Variants in VPS13A observed in about 807,000 individuals in gnomAD.
The protein encoded by VPS13A is vacuolar protein sorting 13 homolog A.
A neutral mutation model predicts 390.9 loss-of-function variants in VPS13A; 264 were observed. That is an observed-to-expected ratio of 0.68 (90% CI 0.61 to 0.75). VPS13A has a LOEUF of 0.75. Among genes scored for constraint, VPS13A ranks in the 30% least tolerant of loss-of-function variants. The pLI is 0.00. For missense variants in VPS13A, 3,409 were observed against 3,733.9 expected, an observed-to-expected ratio of 0.91 and a Z score of 2.27; for synonymous variants, 1,231 against 1,227.1, an observed-to-expected ratio of 1.00 and a Z score of -0.07.
At chr9:77,272,498 A>G (rs1826409095) in intron 23 of VPS13A, among the ~76,000 whole-genome samples, 1 of 152,210 alleles carries the variant, frequency 6.6e-6, no homozygotes, top group Non-Finnish European at 1.5e-5. Flanking sequence ...CATCAGTGCA[A>G]TACAATATCA....
intron 68 of VPS13A, chr9:77,383,105 G>A: frequency 2.3e-6 from 2 of 855,486 alleles, no homozygotes; most frequent in Non-Finnish European, 2.8e-6. Flanking sequence ...TTTAAATATT[G>A]TGATATTTAA....
chr9:77,360,661 C>T lies in VPS13A; in HGVS notation c.8211+20C>T. On this transcript the variant is annotated intron_variant, in intron 59 of 71. Coordinates refer to ENST00000360280, the MANE Select transcript of VPS13A (RefSeq NM_033305.3). The stretch of plus-strand genomic sequence containing the variant: ...ACAGAGGTAAGACTTAAAATAATAA[C>T]ATTTGATGGAAAGGATTAGGGAAAA... 1 of 1,517,548 alleles carries T rather than the reference C, an allele frequency of 6.6e-7. No homozygotes were observed. Among genetic ancestry groups the T allele is most frequent in the Non-Finnish European group, 9.1e-7 (1 of 1,093,034 alleles). The allele number at this position is 1,517,548 out of a possible 1,614,324, so 94.0% of individuals were successfully genotyped here.
chr9:77,337,224 AT>A lies in VPS13A; in HGVS notation c.6096-27del, dbSNP rs1326556340. ...AGTTTAATATGTTTTCCTTTAAAACATTTTAAACTGTATCATTTAATCTCAT... is the reference window on the plus strand; with the variant it reads ...AGTTTAATATGTTTTCCTTTAAAACATTTAAACTGTATCATTTAATCTCAT... On this transcript the variant is annotated intron_variant, in intron 46 of 71. Transcript: ENST00000360280. 7 of 1,594,576 alleles carry A rather than the reference AT, an allele frequency of 4.4e-6. No individual in the cohort carries two copies. In the African/African-American group the frequency reaches 8.1e-5, roughly 18 times the overall value.
intron 45 of VPS13A, among the ~76,000 whole-genome samples, chr9:77,325,307 C>T (rs1454758568): frequency 6.6e-6 from 1 of 152,044 alleles, no homozygotes; most frequent in Non-Finnish European, 1.5e-5. Context: ...TAACAGGCCA[C>T]AGACCGGTAC....
chr9:77,292,544 A>T (rs997818659), intron 31 of VPS13A, among the ~76,000 whole-genome samples: 1 of 151,952 alleles, frequency 6.6e-6, no homozygotes, highest in African/African-American at 2.4e-5. Context: ...AGGACTGTAG[A>T]CTTCTTTTCA....
At chr9:77,209,562 T>G in intron 6 of VPS13A, 30 bp downstream of exon 6, 1 of 1,341,330 alleles carries the variant, frequency 7.5e-7, no homozygotes, top group Non-Finnish European at 1.1e-6. Context: ...ATATTTGTTT[T>G]TATATTTATA....
In VPS13A at chr9:77,291,092, G is replaced by A. The variant is rs187602954; in HGVS notation, c.3340-2249G>A. On this transcript the variant is annotated intron_variant, in intron 31 of 71. Transcript: ENST00000360280. ...TCTGTGACCTGTTAGGAACTGGGCC[G>A]GACAGCAGGAGTTGAGTGGTGGGCG... 1.6e-3 allele frequency among the ~76,000 whole-genome samples: 236 copies of A among 152,236 alleles called. 1 individual carries two copies. Among genetic ancestry groups the A allele is most frequent in the African/African-American group, 5.4e-3 (224 of 41,546 alleles).
At chr9:77,293,314 G>T (rs772930062) in intron 31 of VPS13A, 27 bp from the exon 32 acceptor site, 1 of 1,571,322 alleles carries the variant, frequency 6.4e-7, no homozygotes, top group East Asian at 2.3e-5. Flanking sequence ...AAAATGGATT[G>T]TGATAATTAA....
rs1351436755 is a variant in VPS13A, at chr9:77,340,250, G to A, written c.6847G>A (p.Val2283Ile). Residue 2283 changes from valine (V) to isoleucine (I), a missense_variant, in exon 49 of 72, where the codon GTT becomes ATT. This residue lies in a region of VPS13A where 2,717 missense variants were observed against 2,917.4 expected (regional missense o/e 0.93). Transcript: ENST00000360280. ...TGATACTGTTGGTAGTCATGGAGCT[G>A]TTAAATGTAAAGGCCTGAAAATGGA... ...SIDTVGSHGAVKCKGLKMDYQ... is the reference protein window; with the variant it reads ...SIDTVGSHGAIKCKGLKMDYQ... The A allele has an allele frequency of 2.5e-6, 4 of 1,613,152 alleles. No homozygotes were observed. The African/African-American group carries it at 4.0e-5, about 16-fold the overall frequency.
rs1232607771 is a variant in VPS13A at position 77,295,692 on chromosome 9, A to C, written c.3658A>C (p.Ile1220Leu). The change falls in exon 33 of 72, where the codon ATC (isoleucine) becomes CTC (leucine). Residue 1220 changes from isoleucine (I) to leucine (L), a missense_variant. This residue lies in a region of VPS13A where 2,717 missense variants were observed against 2,917.4 expected (regional missense o/e 0.93). Transcript: ENST00000360280. Reference sequence around the variant, plus strand: ...TAACATCAAAGCCCCAGTTGTGGTCATCCCGCAGTCTCCAGTTTCTGAAAA... The same window carrying C: ...TAACATCAAAGCCCCAGTTGTGGTCCTCCCGCAGTCTCCAGTTTCTGAAAA... Reference protein sequence around the residue: ...DINIKAPVVVIPQSPVSENVF... With the variant: ...DINIKAPVVVLPQSPVSENVF... The C allele has an allele frequency of 6.2e-7, 1 of 1,614,088 alleles. No individual in the cohort carries two copies. The highest frequency in any genetic ancestry group is 1.3e-5 in the African/African-American group (1 of 75,058).
intron 50 of VPS13A, among the ~76,000 whole-genome samples, chr9:77,343,490 G>C (rs1245457211): frequency 6.6e-6 from 1 of 152,128 alleles, no homozygotes; most frequent in Non-Finnish European, 1.5e-5. Context: ...TGACTTAATA[G>C]CTTACAGACA....
chr9:77,405,872 TGTTTGTAACAAAGGGAACA>T lies in VPS13A; in HGVS notation c.9285_9303del (p.Leu3095PhefsTer36). The T allele has an allele frequency of 6.2e-7, 1 of 1,613,692 alleles. No individual in the cohort carries two copies. The highest frequency in any genetic ancestry group is 8.5e-7 in the Non-Finnish European group (1 of 1,179,962). Reference sequence around the variant, plus strand: ...TGTTTTTCTTTTTGCAGTGGTGTATTGTTTGTAACAAAGGGAACATTTGGACAACTCACGTGTGAGTGGC... The same window carrying T: ...TGTTTTTCTTTTTGCAGTGGTGTATTTTTGGACAACTCACGTGTGAGTGGC... On this transcript the variant is annotated frameshift_variant, in exon 70 of 72. Transcript: ENST00000360280. LOFTEE classifies it high-confidence loss of function.
intron 68 of VPS13A, chr9:77,390,125 C>G: frequency 1.0e-6 from 1 of 985,304 alleles, no homozygotes; most frequent in South Asian, 4.7e-5. Context: ...CACTTCCTGG[C>G]TTCATCTGAA....
In VPS13A at chr9:77,260,501, G is replaced by A. The variant is rs145101460; in HGVS notation, c.2427+277G>A. Among the ~76,000 whole-genome samples, 874 of 151,670 alleles carry A rather than the reference G, an allele frequency of 5.8e-3. 12 individuals carry two copies. Among genetic ancestry groups the A allele is most frequent in the African/African-American group, 0.02 (843 of 41,374 alleles). On this transcript the variant is annotated intron_variant, in intron 23 of 71. Coordinates refer to ENST00000360280, the MANE Select transcript of VPS13A (RefSeq NM_033305.3). ...CTCCCGAGTATCTGGGACTACAGGC[G>A]CCCGCCACCACGCCCGGCTAATTTT...
chr9:77,246,799 A>G (rs1587411241), intron 19 of VPS13A, among the ~76,000 whole-genome samples: 1 of 152,164 alleles, frequency 6.6e-6, no homozygotes, highest in African/African-American at 2.4e-5. Context: ...TCTGGTTTGC[A>G]TATGATTTTA....
At chr9:77,363,390 ATTTTTTTTTTTTTATTTT>A (rs1198454971) in intron 59 of VPS13A, among the ~76,000 whole-genome samples, 1 of 115,802 alleles carries the variant, frequency 8.6e-6, no homozygotes, top group Non-Finnish European at 1.8e-5. Context: ...TATTACATTA[ATTTTTTTTTTTTTATTTT>A]TTTTTTTTTT....
chr9:77,362,613 A>G (rs1289333834), intron 59 of VPS13A, among the ~76,000 whole-genome samples: 1 of 152,166 alleles, frequency 6.6e-6, no homozygotes, highest in Non-Finnish European at 1.5e-5. Context: ...TTGAAATTTC[A>G]TATGAATTTT....
intron 68 of VPS13A, 175 bp downstream of exon 68, chr9:77,382,262 T>C (rs201581256): frequency 1.3e-6 from 2 of 1,488,704 alleles, no homozygotes; most frequent in East Asian, 5.0e-5. Context: ...TATAAGATTT[T>C]TTTTTCTTTT....
intron 54 of VPS13A, among the ~76,000 whole-genome samples, chr9:77,354,369 A>G (rs568726659): frequency 6.6e-6 from 1 of 152,076 alleles, no homozygotes; most frequent in Non-Finnish European, 1.5e-5. Context: ...ATTAAAATCT[A>G]TATTCTTAAG....
Sources: allele counts gnomAD v4.1 joint callset (sites outside exome capture counted in the v4.1 genomes callset), GRCh38; gene constraint gnomAD v4.1.1; regional missense constraint gnomAD v4.1.1; transcripts MANE v1.5; gene names NCBI Gene and HGNC (gene_info 2026-07-23, HGNC 2026-07-21).